CSMD1: variants seen among roughly 807,000 people sequenced by gnomAD.
CSMD1 encodes the protein CUB and Sushi multiple domains 1.
In CSMD1, 213 loss-of-function variants were observed where a neutral mutation model predicts 417.5. The ratio of observed to expected loss-of-function variants is 0.51; its 90% CI spans 0.46 to 0.57. The LOEUF (loss-of-function observed/expected upper bound fraction) is 0.57, where lower values mean the gene tolerates loss of function less well. CSMD1 is among the 20% of genes least tolerant of loss of function. The pLI is 0.00. For synonymous variants in CSMD1, 2,862 were observed against 1,736.8 expected (o/e 1.65, Z -16.11); for missense variants, 6,923 against 4,529.7 (o/e 1.53, Z -15.17).
At chr8:3,655,293 T>C (rs940824436) in intron 7 of CSMD1, among the ~76,000 whole-genome samples, 2 of 152,228 alleles carry the variant, frequency 1.3e-5, no homozygotes, top group Non-Finnish European at 2.9e-5. Context: ...GCTATCTTTG[T>C]GCATGATCCT....
chr8:3,290,508 T>C (rs562374408), intron 25 of CSMD1, among the ~76,000 whole-genome samples: 1 of 144,604 alleles, frequency 6.9e-6, no homozygotes, highest in Non-Finnish European at 1.5e-5. Flanking sequence ...CCTTGAGCAG[T>C]GGTTTGTAGT....
chr8:3,256,995 A>C (rs939140455), intron 26 of CSMD1, among the ~76,000 whole-genome samples: 1 of 152,228 alleles, frequency 6.6e-6, no homozygotes, highest in Non-Finnish European at 1.5e-5. Context: ...GAGAATTTTC[A>C]TTACTATTCA....
At chr8:2,958,779 T>C (rs1020585926) in intron 62 of CSMD1, among the ~76,000 whole-genome samples, 2 of 152,248 alleles carry the variant, frequency 1.3e-5, no homozygotes, top group African/African-American at 2.4e-5. Context: ...AAGATTTGAA[T>C]TCCCCTCTTG....
rs576929497 is a variant in CSMD1 at position 3,422,743 on chromosome 8, G to C, written c.1562-13138C>G. Among the ~76,000 whole-genome samples the C allele has an allele frequency of 8.6e-4, 131 of 152,272 alleles. 1 individual carries two copies. The East Asian group carries it at 0.013, about 16-fold the overall frequency. On this transcript the variant is annotated intron_variant, in intron 12 of 69. Coordinates refer to ENST00000635120, the MANE Select transcript of CSMD1 (RefSeq NM_033225.6). ...TGTGCTGCGATAACAGAAAAACATAGACTGGGTAATGTATGAAGAGCAGAA... is the reference window on the plus strand; with the variant it reads ...TGTGCTGCGATAACAGAAAAACATACACTGGGTAATGTATGAAGAGCAGAA...
chr8:3,276,206 C>A (rs1187498699), intron 26 of CSMD1, among the ~76,000 whole-genome samples: 2 of 152,154 alleles, frequency 1.3e-5, no homozygotes, highest in Non-Finnish European at 2.9e-5. Context: ...TGTCAGTCTA[C>A]CCCTGCTGGG....
intron 6 of CSMD1, among the ~76,000 whole-genome samples, chr8:3,728,408 T>G (rs556843337): frequency 2.0e-5 from 3 of 152,212 alleles, no homozygotes; most frequent in Admixed American, 6.5e-5. Context: ...ATCAGCAGCA[T>G]GAAAACAGAC....
intron 1 of CSMD1, among the ~76,000 whole-genome samples, chr8:4,656,746 A>T (rs1804258435): frequency 6.6e-6 from 1 of 152,000 alleles, no homozygotes; most frequent in Non-Finnish European, 1.5e-5. Flanking sequence ...GGGACACTAA[A>T]TGCCGCAGGA....
intron 1 of CSMD1, among the ~76,000 whole-genome samples, chr8:4,912,752 G>A (rs555408434): frequency 3.9e-4 from 59 of 151,910 alleles, no homozygotes; most frequent in Non-Finnish European, 7.1e-4. Context: ...AAATTTTGGA[G>A]GCCAAATGAC....
chr8:3,355,197 T>G (rs886636773), intron 21 of CSMD1, among the ~76,000 whole-genome samples: 1 of 151,640 alleles, frequency 6.6e-6, no homozygotes, highest in African/African-American at 2.4e-5. Flanking sequence ...TCATTCATTT[T>G]TTAAAAAAAT....
chr8:4,482,260 T>C (rs1456779025), intron 2 of CSMD1, among the ~76,000 whole-genome samples: 2 of 152,098 alleles, frequency 1.3e-5, no homozygotes, highest in Non-Finnish European at 2.9e-5. Context: ...CCTCCACCCT[T>C]ATAGCCCCCA....
In CSMD1 at chr8:4,490,265, C is replaced by G. The variant is rs12681130; in HGVS notation, c.303-70200G>C. Among the ~76,000 whole-genome samples, 284 of 152,254 alleles carry G rather than the reference C, an allele frequency of 1.9e-3. 10 individuals carry two copies. In the East Asian group the frequency reaches 0.05, roughly 27 times the overall value. The stretch of plus-strand genomic sequence containing the variant: ...CCATCTTGGCCAGGTTGATCTTGAA[C>G]TGCTGACCTCGTGATCCACTCTCTT... On this transcript the variant is annotated intron_variant, in intron 2 of 69. Coordinates refer to ENST00000635120, the MANE Select transcript of CSMD1 (RefSeq NM_033225.6).
intron 48 of CSMD1, among the ~76,000 whole-genome samples, chr8:3,090,928 AATTG>A (rs1486755677): frequency 9.2e-5 from 14 of 152,218 alleles, no homozygotes; most frequent in Admixed American, 9.2e-4. Flanking sequence ...ATTTGTTACT[AATTG>A]ATTTAGTTAA....
chr8:4,392,002 T>G (rs1803879875), intron 3 of CSMD1, among the ~76,000 whole-genome samples: 1 of 152,132 alleles, frequency 6.6e-6, no homozygotes, highest in Admixed American at 6.5e-5. Flanking sequence ...CAAGCATCAA[T>G]CCTAAACTTG....
chr8:4,382,666 C>G (rs886745720), intron 3 of CSMD1, among the ~76,000 whole-genome samples: 6 of 152,162 alleles, frequency 3.9e-5, no homozygotes, highest in Admixed American at 3.9e-4. Context: ...CACATCAGGT[C>G]TTAGCATAAA....
intron 7 of CSMD1, among the ~76,000 whole-genome samples, chr8:3,631,174 G>A (rs892276207): frequency 1.3e-5 from 2 of 152,148 alleles, no homozygotes; most frequent in African/African-American, 4.8e-5. Flanking sequence ...AAACCGGCAG[G>A]ACTCCTTCCC....
intron 20 of CSMD1, among the ~76,000 whole-genome samples, chr8:3,366,527 A>AT (rs1487592299): frequency 1.3e-5 from 2 of 152,144 alleles, no homozygotes; most frequent in Admixed American, 6.5e-5. Flanking sequence ...AACTTGGAGT[A>AT]TTTTTTGTCA....
intron 5 of CSMD1, among the ~76,000 whole-genome samples, chr8:3,850,090 C>T (rs1803793911): frequency 6.6e-6 from 1 of 152,208 alleles, no homozygotes; most frequent in Admixed American, 6.5e-5. Context: ...GCCACTGCAC[C>T]CAGCAAAGAG....
intron 5 of CSMD1, 121 bp from the exon 6 acceptor site, chr8:3,754,163 G>A (rs569271153): frequency 1.7e-5 from 10 of 574,030 alleles, no homozygotes; most frequent in Non-Finnish European, 2.9e-5. Context: ...TAAAACAGAG[G>A]CCATGTATTA....
At chr8:4,461,730 T>C (rs907603417) in intron 2 of CSMD1, among the ~76,000 whole-genome samples, 17 of 126,646 alleles carry the variant, frequency 1.3e-4, no homozygotes, top group South Asian at 1.1e-3. Context: ...TTATTTATTA[T>C]TTATTTACTT....
Sources: allele counts gnomAD v4.1 joint callset (sites outside exome capture counted in the v4.1 genomes callset), GRCh38; gene constraint gnomAD v4.1.1; transcripts MANE v1.5; gene names NCBI Gene and HGNC (gene_info 2026-07-23, HGNC 2026-07-21).